Variants in CSMD1 observed in about 807,000 individuals in gnomAD.
CSMD1 encodes CUB and sushi domain-containing protein 1.
A neutral mutation model predicts 417.5 loss-of-function variants in CSMD1; 213 were observed. That is an observed-to-expected ratio of 0.51 (90% confidence interval 0.46 to 0.57). The LOEUF is 0.57. CSMD1 is among the 20% of genes least tolerant of loss of function. CSMD1 has a pLI of 0.00. For missense variants in CSMD1, 6,923 were observed against 4,529.7 expected (o/e 1.53, Z -15.17); for synonymous variants, 2,862 against 1,736.8 (o/e 1.65, Z -16.11).
At chr8:3,227,553 C>G (rs1347761721) in intron 27 of CSMD1, among the ~76,000 whole-genome samples, 1 of 152,052 alleles carries the variant, frequency 6.6e-6, no homozygotes, top group Non-Finnish European at 1.5e-5. Context: ...CTTAATTATA[C>G]AATAATAAGG....
intron 3 of CSMD1, among the ~76,000 whole-genome samples, chr8:4,370,010 G>A (rs907630264): frequency 2.0e-5 from 3 of 152,012 alleles, no homozygotes; most frequent in African/African-American, 7.2e-5. Flanking sequence ...TGGTTCTTAT[G>A]TAGACTTAGT....
chr8:3,774,270 C>T (rs1383816285), intron 5 of CSMD1, among the ~76,000 whole-genome samples: 4 of 152,120 alleles, frequency 2.6e-5, no homozygotes, highest in South Asian at 4.1e-4. Context: ...CAGATTGCTG[C>T]AATCAGAATT....
intron 49 of CSMD1, among the ~76,000 whole-genome samples, chr8:3,076,242 G>A (rs1170729451): frequency 3.3e-5 from 5 of 152,162 alleles, no homozygotes; most frequent in Admixed American, 1.3e-4. Context: ...TCTCCTTTGT[G>A]TGTAGACATC....
In CSMD1 at chr8:3,857,194, A is replaced by G. The variant is rs146800459; in HGVS notation, c.819-103152T>C. 3.7e-3 allele frequency among the ~76,000 whole-genome samples: 560 copies of G among 152,324 alleles called. 3 individuals are homozygous for G. Among genetic ancestry groups the G allele is most frequent in the African/African-American group, 7.3e-3 (305 of 41,582 alleles). On this transcript the variant is annotated intron_variant, in intron 5 of 69. Coordinates refer to ENST00000635120, the MANE Select transcript of CSMD1 (RefSeq NM_033225.6). ...ACATGGGCTTCATGAAAAAAGTGCC[A>G]AAGTTGTACAGGAGGGAGTAATTAA... is the stretch of plus-strand genomic sequence containing the variant.
chr8:3,734,575 G>C (rs980117732), intron 6 of CSMD1, among the ~76,000 whole-genome samples: 4 of 152,148 alleles, frequency 2.6e-5, no homozygotes, highest in African/African-American at 9.7e-5. Context: ...GCTAGGCCTG[G>C]TGGCGGGCAC....
chr8:3,312,521 G>A (rs529340965), intron 23 of CSMD1, among the ~76,000 whole-genome samples: 2 of 152,274 alleles, frequency 1.3e-5, no homozygotes, highest in Admixed American at 6.5e-5. Context: ...ATTTTCAGTA[G>A]ACTGAAGAGA....
intron 5 of CSMD1, among the ~76,000 whole-genome samples, chr8:3,917,393 G>C (rs1968323): frequency 0.23 from 34,122 of 148,080 alleles, 5,006 homozygotes; most frequent in African/African-American, 0.42. Flanking sequence ...CTCTACAGGA[G>C]TTTGGGTTTG....
intron 60 of CSMD1, among the ~76,000 whole-genome samples, chr8:2,962,840 G>C (rs1468885991): frequency 6.6e-6 from 1 of 152,182 alleles, no homozygotes; most frequent in Non-Finnish European, 1.5e-5. Flanking sequence ...CTTGAGCTCA[G>C]GAGTTCGAGA....
chr8:4,470,122 G>A (rs1482289628), intron 2 of CSMD1, among the ~76,000 whole-genome samples: 1 of 151,776 alleles, frequency 6.6e-6, no homozygotes, highest in Non-Finnish European at 1.5e-5. Flanking sequence ...CGCCCGCCTC[G>A]GCCTCCCAAA....
chr8:4,337,788 G>C (rs1284399837), intron 3 of CSMD1, among the ~76,000 whole-genome samples: 1 of 152,088 alleles, frequency 6.6e-6, no homozygotes, highest in South Asian at 2.1e-4. Context: ...TAATCACACA[G>C]CTCTGATAAA....
chr8:4,932,798 A>T (rs1484527484), intron 1 of CSMD1, among the ~76,000 whole-genome samples: 1 of 152,190 alleles, frequency 6.6e-6, no homozygotes, highest in Admixed American at 6.6e-5. Context: ...TATTCAATAG[A>T]GTTTTACCCC....
intron 5 of CSMD1, among the ~76,000 whole-genome samples, chr8:3,755,755 C>A (rs1463556779): frequency 6.6e-6 from 1 of 152,032 alleles, no homozygotes; most frequent in Non-Finnish European, 1.5e-5. Flanking sequence ...AAGTTAAAAG[C>A]CAAACCTTGA....
In CSMD1 at chr8:4,369,967, C is replaced by T. The variant is rs76935341; in HGVS notation, c.415+49986G>A. Among the ~76,000 whole-genome samples the T allele has an allele frequency of 2.8e-4, 43 of 152,098 alleles. 1 individual carries two copies. The highest frequency in any genetic ancestry group is 8.4e-4 in the African/African-American group (35 of 41,496). On this transcript the variant is annotated intron_variant, in intron 3 of 69. Coordinates refer to ENST00000635120, the MANE Select transcript of CSMD1 (RefSeq NM_033225.6). Reference sequence around the variant, plus strand: ...TTTACATTCTGGGTCAATACTGACACGTGAGAATTGTATCTATCATCTTGC... The same window carrying T: ...TTTACATTCTGGGTCAATACTGACATGTGAGAATTGTATCTATCATCTTGC...
intron 12 of CSMD1, among the ~76,000 whole-genome samples, chr8:3,433,969 G>A (rs1440530882): frequency 1.3e-5 from 2 of 152,192 alleles, no homozygotes; most frequent in Admixed American, 1.3e-4. Context: ...CCCTCTGGAA[G>A]TCTAACGATT....
chr8:3,070,056 C>G (rs982416450), intron 49 of CSMD1, among the ~76,000 whole-genome samples: 3 of 152,220 alleles, frequency 2.0e-5, no homozygotes, highest in African/African-American at 7.2e-5. Flanking sequence ...GGAGCCAGAA[C>G]AGCCAGTATG....
At chr8:3,452,658 G>T (rs184229151) in intron 12 of CSMD1, among the ~76,000 whole-genome samples, 9 of 152,294 alleles carry the variant, frequency 5.9e-5, no homozygotes, top group African/African-American at 2.2e-4. Flanking sequence ...TGCATCCCAG[G>T]GATGAAACCC....
intron 1 of CSMD1, among the ~76,000 whole-genome samples, chr8:4,715,449 A>G (rs1279103426): frequency 6.6e-6 from 1 of 152,008 alleles, no homozygotes; most frequent in Admixed American, 6.6e-5. Context: ...TCCCTTGACA[A>G]TCTCATATGG....
rs116139002 is a variant in CSMD1, at chr8:4,671,103, A to G, written c.86-33545T>C. ...CCTGCTGGTTTGAATCTGTGGCTTG[A>G]AAAACTAGCTGCATTTGCACTCAGT... On this transcript the variant is annotated intron_variant, in intron 1 of 69. Coordinates refer to ENST00000635120, the MANE Select transcript of CSMD1 (RefSeq NM_033225.6). Among the ~76,000 whole-genome samples, 1,444 of 152,330 alleles carry G rather than the reference A, an allele frequency of 9.5e-3. 16 individuals carry two copies. Among genetic ancestry groups the G allele is most frequent in the Middle Eastern group, 0.031 (9 of 294 alleles).
intron 3 of CSMD1, among the ~76,000 whole-genome samples, chr8:4,376,380 C>G (rs781056483): frequency 1.3e-5 from 2 of 152,122 alleles, no homozygotes; most frequent in African/African-American, 2.4e-5. Flanking sequence ...TGTGAGTAAC[C>G]ATATGTAACC....
Sources: allele counts gnomAD v4.1 joint callset (sites outside exome capture counted in the v4.1 genomes callset), GRCh38; gene constraint gnomAD v4.1.1; transcripts MANE v1.5; gene names NCBI Gene and HGNC (gene_info 2026-07-23, HGNC 2026-07-21).